SPATS2L: variants seen among roughly 807,000 people sequenced by gnomAD.
The protein encoded by SPATS2L is SPATS2-like protein.
Under a neutral mutation model 59.6 loss-of-function variants are expected in SPATS2L, and 30 were observed. The observed-to-expected ratio is 0.50, with a 90% CI of 0.38 to 0.68. The LOEUF is 0.68. SPATS2L is among the 30% of genes least tolerant of loss of function. The pLI is 0.00. For missense variants in SPATS2L, 615 were observed against 700.0 expected (o/e 0.88, Z 1.37); for synonymous variants, 252 against 263.5 (o/e 0.96, Z 0.42).
chr2:200,414,938 TTC>T, intron 4 of SPATS2L, among the ~76,000 whole-genome samples: 1 of 152,202 alleles, frequency 6.6e-6, no homozygotes, highest in South Asian at 2.1e-4. Context: ...CACCACCACT[TTC>T]TGATTAAAAT....
At chr2:200,361,235 T>G (rs1287060986) in intron 2 of SPATS2L, among the ~76,000 whole-genome samples, 1 of 152,116 alleles carries the variant, frequency 6.6e-6, no homozygotes, top group Non-Finnish European at 1.5e-5. Context: ...AAACAAAGTT[T>G]ATTGCTTCTC....
chr2:200,386,157 T>A (rs538717536), intron 2 of SPATS2L, among the ~76,000 whole-genome samples: 1 of 152,280 alleles, frequency 6.6e-6, no homozygotes, highest in Admixed American at 6.5e-5. Flanking sequence ...GGAACCCACC[T>A]GGAAGATGGA....
intron 9 of SPATS2L, among the ~76,000 whole-genome samples, chr2:200,464,252 A>G (rs971839327): frequency 3.9e-5 from 6 of 152,198 alleles, no homozygotes; most frequent in Non-Finnish European, 8.8e-5. Flanking sequence ...GCCAAAGAAT[A>G]TTGGCTTTAG....
chr2:200,389,009 A>G (rs2082087851), intron 2 of SPATS2L, among the ~76,000 whole-genome samples: 1 of 152,224 alleles, frequency 6.6e-6, no homozygotes, highest in Admixed American at 6.5e-5. Context: ...TCAATACAGT[A>G]TGAATAAAAG....
intron 8 of SPATS2L, among the ~76,000 whole-genome samples, chr2:200,452,242 T>A (rs370382536): frequency 6.6e-6 from 1 of 152,254 alleles, no homozygotes; most frequent in East Asian, 1.9e-4. Flanking sequence ...AAAATTTCTA[T>A]TGTTCATCAA....
At chr2:200,316,341 G>C (rs2079377857) in intron 1 of SPATS2L, among the ~76,000 whole-genome samples, 1 of 152,150 alleles carries the variant, frequency 6.6e-6, no homozygotes, top group Admixed American at 6.5e-5. Context: ...TTCATGAGTA[G>C]GCATTTTGTA....
intron 2 of SPATS2L, among the ~76,000 whole-genome samples, chr2:200,358,372 C>T (rs572294441): frequency 1.1e-4 from 16 of 152,294 alleles, no homozygotes; most frequent in Non-Finnish European, 1.8e-4. Flanking sequence ...TTTTCATGAC[C>T]TACACCGCTA....
rs2106262655 is a variant in SPATS2L, at chr2:200,478,218, T to G, written c.*187T>G. On this transcript the variant is annotated 3_prime_UTR_variant, in exon 13 of 13. Transcript: ENST00000409140. Reference sequence around the variant, plus strand: ...TGCTTCATAATTTTCATGGCTTTGCTTGATCTGTTGATGCTTTCTCTCATC... The same window carrying G: ...TGCTTCATAATTTTCATGGCTTTGCGTGATCTGTTGATGCTTTCTCTCATC... 2 of 516,322 alleles carry G rather than the reference T, an allele frequency of 3.9e-6. No homozygotes were observed. Among genetic ancestry groups the G allele is most frequent in the South Asian group, 9.8e-5 (2 of 20,398 alleles). The allele number at this position is 516,322 out of a possible 1,614,324, so 32.0% of individuals were successfully genotyped here.
At chr2:200,374,146 A>G (rs1432092811) in intron 2 of SPATS2L, among the ~76,000 whole-genome samples, 1 of 152,208 alleles carries the variant, frequency 6.6e-6, no homozygotes, top group African/African-American at 2.4e-5. Flanking sequence ...ATACTGCATC[A>G]TAATTAACTA....
At position 200,360,967 on chromosome 2, in the gene SPATS2L, CTGTG is replaced by C. The variant is rs145080452; in HGVS notation, c.-22-28229_-22-28226del. Among the ~76,000 whole-genome samples the C allele has an allele frequency of 2.1e-3, 300 of 140,416 alleles. 1 individual carries two copies. Among genetic ancestry groups the C allele is most frequent in the African/African-American group, 6.9e-3 (261 of 38,072 alleles). 92.1% of individuals were successfully genotyped at this position (140,416 alleles called of 152,430 possible). On this transcript the variant is annotated intron_variant, in intron 2 of 12. Transcript: ENST00000409140. Reference sequence around the variant, plus strand: ...TAGAACAGAACAGAGCAGAACAGGGCTGTGTGTGTGTGTGTGTGTGTGTGTGTGT... The same window carrying C: ...TAGAACAGAACAGAGCAGAACAGGGCTGTGTGTGTGTGTGTGTGTGTGTGT...
At chr2:200,387,209 G>T (rs2105921965) in intron 2 of SPATS2L, among the ~76,000 whole-genome samples, 1 of 152,236 alleles carries the variant, frequency 6.6e-6, no homozygotes, top group South Asian at 2.1e-4. Context: ...AAGTATTTGG[G>T]GCCTTAGCCT....
intron 1 of SPATS2L, among the ~76,000 whole-genome samples, chr2:200,310,456 G>C: frequency 6.6e-6 from 1 of 152,216 alleles, no homozygotes; most frequent in Non-Finnish European, 1.5e-5. Context: ...AGCCATCACC[G>C]TTTCTAGGAT....
intron 12 of SPATS2L, among the ~76,000 whole-genome samples, chr2:200,475,656 G>C (rs1243636801): frequency 1.3e-5 from 2 of 152,198 alleles, no homozygotes; most frequent in Non-Finnish European, 2.9e-5. Context: ...TCAGCTTAGT[G>C]ATTTGGGGGC....
At chr2:200,428,355 C>T (rs990894596) in intron 6 of SPATS2L, among the ~76,000 whole-genome samples, 4 of 152,198 alleles carry the variant, frequency 2.6e-5, no homozygotes, top group South Asian at 2.1e-4. Flanking sequence ...CTATCCTTAA[C>T]TCTATCGTTT....
intron 3 of SPATS2L, among the ~76,000 whole-genome samples, chr2:200,392,240 G>A (rs965691391): frequency 4.6e-5 from 7 of 152,136 alleles, no homozygotes; most frequent in Admixed American, 1.3e-4. Flanking sequence ...CACCAAACTG[G>A]CAGGAGGAGA....
At chr2:200,463,239 G>C (rs2086367920) in intron 9 of SPATS2L, 1 of 151,784 alleles carries the variant, frequency 6.6e-6, no homozygotes, top group Admixed American at 6.6e-5. Flanking sequence ...TCTTTAATTT[G>C]GTTCTCTGTG....
intron 3 of SPATS2L, among the ~76,000 whole-genome samples, chr2:200,394,163 A>G (rs1345565081): frequency 6.6e-6 from 1 of 152,236 alleles, no homozygotes; most frequent in African/African-American, 2.4e-5. Flanking sequence ...TATGGTTGCA[A>G]TCAGAGTCTG....
intron 1 of SPATS2L, among the ~76,000 whole-genome samples, chr2:200,324,153 T>C (rs1022983080): frequency 2.0e-5 from 3 of 152,244 alleles, no homozygotes; most frequent in Non-Finnish European, 4.4e-5. Context: ...ACAGTCACTG[T>C]GGATCGCCCT....
At chr2:200,357,889 T>G (rs1177233468) in intron 2 of SPATS2L, among the ~76,000 whole-genome samples, 2 of 152,160 alleles carry the variant, frequency 1.3e-5, no homozygotes, top group Non-Finnish European at 2.9e-5. Flanking sequence ...ATCAAAGATG[T>G]CATCAAATCA....
Sources: gnomAD v4.1 joint callset for allele counts (sites outside exome capture counted in the v4.1 genomes callset) on GRCh38, gnomAD v4.1.1 for gene constraint, MANE v1.5 for transcripts, NCBI Gene and HGNC (gene_info 2026-07-23, HGNC 2026-07-21) for gene names.